FAM8A1: variants seen among roughly 807,000 people sequenced by gnomAD.
FAM8A1 encodes the protein family with sequence similarity 8 member A1.
FAM8A1 carries 18 observed loss-of-function variants against 38.3 expected under a neutral mutation model. That is an observed-to-expected ratio of 0.47 (90% CI 0.33 to 0.70). The LOEUF is 0.70. Ranked by LOEUF, FAM8A1 falls within the 30% of genes least tolerant of loss-of-function variation. FAM8A1 has a pLI of 0.03. For synonymous variants in FAM8A1, 246 were observed against 234.4 expected (o/e 1.05, Z -0.45); for missense variants, 559 against 559.6 (o/e 1.00, Z 0.01).
At position 17,600,568 on chromosome 6, in the gene FAM8A1, CA is replaced by C. The variant is rs1471968432; in HGVS notation, c.160del (p.Thr54GlnfsTer55). 6 of 1,499,602 alleles carry C rather than the reference CA, an allele frequency of 4.0e-6. No homozygotes were observed. In the African/African-American group the frequency reaches 7.6e-5, roughly 19 times the overall value. 92.9% of individuals were successfully genotyped at this position (1,499,602 alleles called of 1,614,324 possible). On this transcript the variant is annotated frameshift_variant, in exon 1 of 5. Coordinates refer to ENST00000259963, the MANE Select transcript of FAM8A1 (RefSeq NM_016255.3). LOFTEE classifies it high-confidence loss of function. ...CCGAACCCCAGGCCCCGGGCCGGCC[CA>C]CAGCCCCGGGCCTCGCGGCTGCCGC... Reference protein sequence around the residue: ...QAEPQAPGRPTAPGLAAAAAA... With the variant: ...QAEPQAPGRPXAPGLAAAAAA...
chr6:17,605,005 C>T lies in FAM8A1; in HGVS notation c.933C>T (p.Tyr311=). The part of the protein sequence containing the change: ...LQKMMVVALI[Y]RLLVCFYEII... ...AAATGATGGTTGTGGCACTTATATACAGATTATTAGTTTGTTTCTATGAGG... is the reference window on the plus strand; with the variant it reads ...AAATGATGGTTGTGGCACTTATATATAGATTATTAGTTTGTTTCTATGAGG... The change falls in exon 3 of 5, where the codon TAC becomes TAT. Residue 311 remains tyrosine, a synonymous_variant. Coordinates refer to ENST00000259963, the MANE Select transcript of FAM8A1 (RefSeq NM_016255.3). 6.2e-7 allele frequency: 1 copy of T among 1,609,826 alleles called. No individual in the cohort carries two copies. The highest frequency in any genetic ancestry group is 1.1e-5 in the South Asian group (1 of 90,518).
Position 17,600,554 on chromosome 6 carries a change from GC to G in FAM8A1, c.149del (p.Pro50ArgfsTer59). On this transcript the variant is annotated frameshift_variant, in exon 1 of 5. Transcript: ENST00000259963. LOFTEE classifies it high-confidence loss of function. Reference protein sequence around the residue: ...PRDDPQAEPQAPGRPTAPGLA... With the variant: ...PRDDPQAEPQXPGRPTAPGLA... ...CGACGACCCCCAGGCCGAACCCCAG[GC>G]CCCGGGCCGGCCCACAGCCCCGGGC... 6.7e-7 allele frequency: 1 copy of G among 1,502,774 alleles called. No individual in the cohort carries two copies. Among genetic ancestry groups the G allele is most frequent in the Non-Finnish European group, 8.9e-7 (1 of 1,129,830 alleles). The allele number at this position is 1,502,774 out of a possible 1,614,324, so 93.1% of individuals were successfully genotyped here.
rs1764121311 is a variant in FAM8A1, at chr6:17,610,303, A to G, written c.*1964A>G. ...TTATTTTCATTTATACTATAAAACA[A>G]AAGCAAACTAGTCCAGTTTAATTTT... On this transcript the variant is annotated 3_prime_UTR_variant, in exon 5 of 5. Coordinates refer to ENST00000259963, the MANE Select transcript of FAM8A1 (RefSeq NM_016255.3). 2.0e-5 allele frequency: 3 copies of G among 152,160 alleles called. No homozygotes were observed. The South Asian group carries it at 6.2e-4, about 32-fold the overall frequency. 9.4% of individuals were successfully genotyped at this position (152,160 alleles called of 1,614,324 possible).
rs185335946 is a variant in FAM8A1 at position 17,605,896 on chromosome 6, G to A, written c.980G>A (p.Gly327Asp). 38 of 1,542,816 alleles carry A rather than the reference G, an allele frequency of 2.5e-5. No homozygotes were observed. The highest frequency in any genetic ancestry group is 3.3e-5 in the Non-Finnish European group (38 of 1,135,600). The change falls in exon 4 of 5, where the codon GGT becomes GAT. Residue 327 changes from glycine (G) to aspartate (D), a missense_variant. Physicochemically the swap from Gly to Asp is moderately conservative, Grantham distance 94. This residue lies in a region of FAM8A1 where 166 missense variants were observed against 220.8 expected (regional missense o/e 0.75). Coordinates refer to ENST00000259963, the MANE Select transcript of FAM8A1 (RefSeq NM_016255.3). ...TAGATAATTTGCATTTGGGGAGCAG[G>A]TGGAGCTACCCCAGGGAAGTTCCTG... Reference protein sequence around the residue: ...FYEIICIWGAGGATPGKFLLG... With the variant: ...FYEIICIWGADGATPGKFLLG...
Position 17,600,788 on chromosome 6 carries a change from G to T in FAM8A1, c.379G>T (p.Gly127Cys), listed in dbSNP as rs757445327. ...VHEWLWQSYC[G>C]YLTWHSGLAA... ...CGAGTGGCTGTGGCAGTCCTACTGC[G>T]GCTACCTCACCTGGCACAGCGGCCT... Residue 127 changes from glycine (G) to cysteine (C), a missense_variant, in exon 1 of 5, where the codon GGC (glycine) becomes TGC (cysteine). Gly to Cys is a radical substitution (Grantham distance 159). This residue lies in a region of FAM8A1 where 393 missense variants were observed against 338.9 expected (regional missense o/e 1.16). Transcript: ENST00000259963. 3.7e-6 allele frequency: 6 copies of T among 1,611,234 alleles called. No individual in the cohort carries two copies. The highest frequency in any genetic ancestry group is 1.7e-6 in the Non-Finnish European group (2 of 1,179,694).
chr6:17,608,091 G>C, intron 4 of FAM8A1, 104 bp from the exon 5 acceptor site: 1 of 1,223,508 alleles, frequency 8.2e-7, no homozygotes. Flanking sequence ...CTGTAGAGAA[G>C]TACAATTGTG....
intron 2 of FAM8A1, among the ~76,000 whole-genome samples, chr6:17,603,374 C>T (rs1027108453): frequency 5.9e-5 from 9 of 152,124 alleles, no homozygotes; most frequent in African/African-American, 1.7e-4. Flanking sequence ...AAGTTGAGCA[C>T]AGAACCTAAA....
rs978157182 is a variant in FAM8A1 at position 17,600,902 on chromosome 6, C to T, written c.493C>T (p.Pro165Ser). The change falls in exon 1 of 5, where the codon CCG becomes TCG. Residue 165 changes from proline (P) to serine (S), a missense_variant. Around this residue, in one of 2 missense-constraint regions of FAM8A1, gnomAD observed 393 missense variants for 338.9 expected, o/e 1.16. Coordinates refer to ENST00000259963, the MANE Select transcript of FAM8A1 (RefSeq NM_016255.3). Reference protein sequence around the residue: ...GAAVPQAAAPPPPQLGYYNPF... With the variant: ...GAAVPQAAAPSPPQLGYYNPF... ...TGCAGTCCCCCAGGCCGCGGCGCCG[C>T]CGCCCCCGCAGCTGGGCTATTACAA... 3.2e-6 allele frequency: 5 copies of T among 1,586,562 alleles called. No homozygotes were observed. The highest frequency in any genetic ancestry group is 2.7e-5 in the African/African-American group (2 of 72,894).
intron 1 of FAM8A1, 88 bp downstream of exon 1, chr6:17,601,209 C>T (rs1581639318): frequency 6.8e-7 from 1 of 1,466,070 alleles, no homozygotes; most frequent in Non-Finnish European, 9.1e-7. Context: ...AGACCTGTAA[C>T]TGCTGCTTCT....
At chr6:17,602,560 T>C (rs766779763) in intron 1 of FAM8A1, 30 bp from the exon 2 acceptor site, 2 of 1,457,352 alleles carry the variant, frequency 1.4e-6, no homozygotes, top group African/African-American at 1.5e-5. Context: ...GATTCGTTTT[T>C]CCTAACTTTT....
rs905250984 is a variant in FAM8A1, at chr6:17,611,599, C to G, written c.*3260C>G. The G allele has an allele frequency of 6.6e-6, 1 of 152,528 alleles. No homozygotes were observed. Among genetic ancestry groups the G allele is most frequent in the Non-Finnish European group, 1.5e-5 (1 of 68,036 alleles). 9.4% of individuals were successfully genotyped at this position (152,528 alleles called of 1,614,324 possible). A position where few individuals can be genotyped will look rare whatever the true frequency, so the allele number is the denominator to read the frequency against. On this transcript the variant is annotated 3_prime_UTR_variant, in exon 5 of 5. Coordinates refer to ENST00000259963, the MANE Select transcript of FAM8A1 (RefSeq NM_016255.3). The stretch of plus-strand genomic sequence containing the variant: ...TTCTTTGCAGTTCATTATAGTAAGG[C>G]TTAACCTGTAAACAGTATCTGATGG...
chr6:17,606,594 C>A (rs554702461), intron 4 of FAM8A1, among the ~76,000 whole-genome samples: 41 of 152,278 alleles, frequency 2.7e-4, no homozygotes, highest in African/African-American at 8.7e-4. Context: ...CTTTATTATT[C>A]TTTGGACCTG....
chr6:17,604,847 G>A, intron 2 of FAM8A1, 59 bp from the exon 3 acceptor site: 3 of 1,392,494 alleles, frequency 2.2e-6, no homozygotes, highest in East Asian at 2.7e-5. Flanking sequence ...TGAAAAAAAA[G>A]TCAGTGCTAC....
At chr6:17,602,756 A>G in intron 2 of FAM8A1, 46 bp downstream of exon 2, 2 of 1,574,962 alleles carry the variant, frequency 1.3e-6, no homozygotes, top group South Asian at 1.2e-5. Context: ...CTACTGTTTA[A>G]TGATCTTGTT....
chr6:17,608,597 C>A lies in FAM8A1; in HGVS notation c.*258C>A. 1 of 241,224 alleles carries A rather than the reference C, an allele frequency of 4.1e-6. No individual in the cohort carries two copies. Among genetic ancestry groups the A allele is most frequent in the Non-Finnish European group, 7.4e-6 (1 of 134,240 alleles). 14.9% of individuals were successfully genotyped at this position (241,224 alleles called of 1,614,324 possible). A position where few individuals can be genotyped will look rare whatever the true frequency, so the allele number is the denominator to read the frequency against. ...ATAAACAATGGACAATATATACTTT[C>A]TTAAGATCTAAGGTACTTTCTTAAG... On this transcript the variant is annotated 3_prime_UTR_variant, in exon 5 of 5. Coordinates refer to ENST00000259963, the MANE Select transcript of FAM8A1 (RefSeq NM_016255.3).
At position 17,608,425 on chromosome 6, in the gene FAM8A1, T is replaced by A; in HGVS notation, c.*86T>A. The A allele has an allele frequency of 6.9e-7, 1 of 1,447,220 alleles. No individual in the cohort carries two copies. Among genetic ancestry groups the A allele is most frequent in the Non-Finnish European group, 9.3e-7 (1 of 1,079,876 alleles). The allele number at this position is 1,447,220 out of a possible 1,614,324, so 89.6% of individuals were successfully genotyped here. A position where few individuals can be genotyped will look rare whatever the true frequency, so the allele number is the denominator to read the frequency against. On this transcript the variant is annotated 3_prime_UTR_variant, in exon 5 of 5. Transcript: ENST00000259963. ...ATCCCTGGGTTACACTAATTGATGA[T>A]TTAGAAATTAAAGCAGTCACTCCAG...
chr6:17,600,883 C>G lies in FAM8A1; in HGVS notation c.474C>G (p.Val158=). 1 of 1,600,690 alleles carries G rather than the reference C, an allele frequency of 6.2e-7. No homozygotes were observed. Reference sequence around the variant, plus strand: ...GCTTCCCTTCGGGCGGCGCTGCAGTCCCCCAGGCCGCGGCGCCGCCGCCCC... The same window carrying G: ...GCTTCCCTTCGGGCGGCGCTGCAGTGCCCCAGGCCGCGGCGCCGCCGCCCC... ...PQSFPSGGAA[V]PQAAAPPPPQ... Residue 158 remains valine (V), a synonymous_variant, in exon 1 of 5, where the codon GTC becomes GTG. Coordinates refer to ENST00000259963, the MANE Select transcript of FAM8A1 (RefSeq NM_016255.3).
chr6:17,602,773 C>T (rs1764003741), intron 2 of FAM8A1, 63 bp downstream of exon 2: 2 of 1,535,340 alleles, frequency 1.3e-6, no homozygotes, highest in African/African-American at 1.4e-5. Flanking sequence ...TGTTTTATTA[C>T]ATTCTGTTTG....
In FAM8A1 at chr6:17,609,901, T is replaced by C. The variant is rs1764114487; in HGVS notation, c.*1562T>C. 1 of 152,218 alleles carries C rather than the reference T, an allele frequency of 6.6e-6. No homozygotes were observed. The highest frequency in any genetic ancestry group is 2.1e-4 in the South Asian group (1 of 4,832). The allele number at this position is 152,218 out of a possible 1,614,324, so 9.4% of individuals were successfully genotyped here. A position where few individuals can be genotyped will look rare whatever the true frequency, so the allele number is the denominator to read the frequency against. ...GACAACAGATATTCACATTTGATTA[T>C]AGAAACTTAATGTCTATTAATAATT... On this transcript the variant is annotated 3_prime_UTR_variant, in exon 5 of 5. Coordinates refer to ENST00000259963, the MANE Select transcript of FAM8A1 (RefSeq NM_016255.3).
Sources: gnomAD v4.1 joint callset for allele counts (sites outside exome capture counted in the v4.1 genomes callset) on GRCh38, gnomAD v4.1.1 for gene constraint, gnomAD v4.1.1 regional missense constraint, MANE v1.5 for transcripts, NCBI Gene and HGNC (gene_info 2026-07-23, HGNC 2026-07-21) for gene names.